The following CIT variants were observed in gnomAD, a reference collection of about 807,000 sequenced individuals.
CIT encodes citron Rho-interacting kinase.
CIT carries 79 observed loss-of-function variants against 272.7 expected under a neutral mutation model. That is an observed-to-expected ratio of 0.29 (90% CI 0.24 to 0.35). The LOEUF (loss-of-function observed/expected upper bound fraction) is 0.35, where lower values mean the gene tolerates loss of function less well. CIT is among the 10% of genes least tolerant of loss of function. The pLI is 1.00. For synonymous variants in CIT, 948 were observed against 995.6 expected (o/e 0.95, Z 0.90); for missense variants, 1,909 against 2,618.3 (o/e 0.73, Z 5.91).
chr12:119,806,122 A>C (rs970959271), intron 9 of CIT, among the ~76,000 whole-genome samples: 3 of 124,920 alleles, frequency 2.4e-5, no homozygotes, highest in Non-Finnish European at 4.8e-5. Flanking sequence ...GGGGAACAAG[A>C]GCGAAACACC....
At chr12:119,739,527 G>A (rs1958955755) in intron 24 of CIT, among the ~76,000 whole-genome samples, 1 of 152,102 alleles carries the variant, frequency 6.6e-6, no homozygotes, top group Non-Finnish European at 1.5e-5. Context: ...TCTTTAAAGC[G>A]GTCTTGAACT....
intron 9 of CIT, among the ~76,000 whole-genome samples, chr12:119,818,718 G>A (rs925132719): frequency 2.6e-5 from 4 of 152,122 alleles, no homozygotes; most frequent in Admixed American, 2.0e-4. Context: ...CATGTCAGAC[G>A]CAACAGACCA....
Position 119,728,574 on chromosome 12 carries a change from A to G in CIT, c.3519T>C (p.Leu1173=). The G allele has an allele frequency of 6.2e-7, 1 of 1,613,630 alleles. No homozygotes were observed. Among genetic ancestry groups the G allele is most frequent in the Non-Finnish European group, 8.5e-7 (1 of 1,179,682 alleles). Residue 1173 remains leucine, a synonymous_variant, in exon 28 of 48, where the codon CTT becomes CTC. Transcript: ENST00000392521. This position sits in a 1 kb window ranked among gnomAD's most constrained non-coding sequence, Gnocchi z 4.3. Reference sequence around the variant, plus strand: ...GCTGTAAGCTTCGGGCATTCATTTCAAGCATAGCATGCTTCTTCTCCAGGT... The same window carrying G: ...GCTGTAAGCTTCGGGCATTCATTTCGAGCATAGCATGCTTCTTCTCCAGGT... ...LNDLEKKHAM[L]EMNARSLQQK...
intron 41 of CIT, 142 bp from the exon 42 acceptor site, chr12:119,702,100 C>T (rs1956619143): frequency 4.7e-6 from 3 of 635,742 alleles, no homozygotes; most frequent in Admixed American, 5.8e-5. Flanking sequence ...TCATAGAGAG[C>T]CATTCATCTT....
In CIT at chr12:119,686,153, TAA is replaced by T. The variant is rs1170286395; in HGVS notation, c.*2077_*2078del. ...TTTCCTCTTTTTTTTTTTACGAATA[TAA>T]AGTTTCTTGTAAATATGTACAGTCT... On this transcript the variant is annotated 3_prime_UTR_variant, in exon 48 of 48. Transcript: ENST00000392521. 1 of 152,218 alleles carries T rather than the reference TAA, an allele frequency of 6.6e-6. No individual in the cohort carries two copies. The highest frequency in any genetic ancestry group is 1.5e-5 in the Non-Finnish European group (1 of 67,990). The allele number at this position is 152,218 out of a possible 1,614,324, so 9.4% of individuals were successfully genotyped here. A position where few individuals can be genotyped will look rare whatever the true frequency, so the allele number is the denominator to read the frequency against.
At chr12:119,756,038 C>T (rs1157626466) in intron 22 of CIT, among the ~76,000 whole-genome samples, 1 of 152,156 alleles carries the variant, frequency 6.6e-6, no homozygotes, top group East Asian at 1.9e-4. Flanking sequence ...TGACACGCTC[C>T]CCACAGGACC....
In CIT at chr12:119,844,062, C is replaced by T. The variant is rs547106912; in HGVS notation, c.516+6112G>A. Among the ~76,000 whole-genome samples, 20 of 148,296 alleles carry T rather than the reference C, an allele frequency of 1.3e-4. No individual in the cohort carries two copies. In the East Asian group the frequency reaches 1.8e-3, roughly 13 times the overall value. ...TTTGAGACAGATTCTTGCTTTGTCG[C>T]CCAGGCTGGAGTGCAGTGGCATGAC... On this transcript the variant is annotated intron_variant, in intron 5 of 47. Coordinates refer to ENST00000392521, the MANE Select transcript of CIT (RefSeq NM_001206999.2).
At chr12:119,780,909 A>C (rs1344624597) in intron 13 of CIT, among the ~76,000 whole-genome samples, 2 of 152,228 alleles carry the variant, frequency 1.3e-5, no homozygotes, top group Non-Finnish European at 2.9e-5. Context: ...CTGTGGTATG[A>C]ATCATAAAAG....
intron 9 of CIT, among the ~76,000 whole-genome samples, chr12:119,821,523 G>A (rs1490168713): frequency 5.3e-5 from 8 of 152,098 alleles, no homozygotes; most frequent in African/African-American, 1.4e-4. Flanking sequence ...GAGGGTGGGG[G>A]ACTACTTTAA....
intron 9 of CIT, among the ~76,000 whole-genome samples, chr12:119,814,788 G>A (rs1966987033): frequency 6.6e-6 from 1 of 152,126 alleles, no homozygotes; most frequent in Non-Finnish European, 1.5e-5. Flanking sequence ...TGTAATCCCA[G>A]CACTTTGGGA....
At chr12:119,799,121 C>G (rs1242909503) in intron 10 of CIT, among the ~76,000 whole-genome samples, 3 of 152,126 alleles carry the variant, frequency 2.0e-5, no homozygotes, top group Non-Finnish European at 2.9e-5. Context: ...GCAGAAAAGT[C>G]CCAGGGCCTG....
chr12:119,871,098 G>A (rs1950662762), intron 2 of CIT, among the ~76,000 whole-genome samples: 2 of 144,596 alleles, frequency 1.4e-5, no homozygotes, highest in South Asian at 2.3e-4. Flanking sequence ...CAGCCTGGGC[G>A]ACAGGGCGAC....
intron 4 of CIT, among the ~76,000 whole-genome samples, chr12:119,854,575 A>G (rs1250881096): frequency 6.6e-6 from 1 of 152,020 alleles, no homozygotes; most frequent in East Asian, 1.9e-4. Context: ...CCCAGGAGGC[A>G]GAGGTTGCAG....
intron 13 of CIT, among the ~76,000 whole-genome samples, chr12:119,779,363 A>C (rs1225079165): frequency 6.6e-6 from 1 of 152,210 alleles, no homozygotes; most frequent in African/African-American, 2.4e-5. Context: ...GCCTTCCTCC[A>C]TAAAAATTAA....
chr12:119,818,291 C>G (rs974121780), intron 9 of CIT, among the ~76,000 whole-genome samples: 5 of 151,902 alleles, frequency 3.3e-5, no homozygotes, highest in Non-Finnish European at 7.4e-5. Context: ...TATTGTTGAC[C>G]ATACTAAAGG....
At chr12:119,724,158 T>C (rs1957961049) in intron 28 of CIT, among the ~76,000 whole-genome samples, 2 of 151,790 alleles carry the variant, frequency 1.3e-5, no homozygotes, top group Admixed American at 1.3e-4. Context: ...CAATTTGGAG[T>C]GGGAGAGCTA....
intron 2 of CIT, among the ~76,000 whole-genome samples, chr12:119,873,704 A>G (rs1950752931): frequency 6.6e-6 from 1 of 152,080 alleles, no homozygotes; most frequent in African/African-American, 2.4e-5. Context: ...GCTGATGGGG[A>G]TGGTCCCACA....
At chr12:119,850,788 A>G (rs1970175468) in intron 4 of CIT, among the ~76,000 whole-genome samples, 1 of 152,172 alleles carries the variant, frequency 6.6e-6, no homozygotes, top group Non-Finnish European at 1.5e-5. Context: ...TGCCGTCCCA[A>G]GCAACGTGAG....
chr12:119,773,652 C>T (rs887239684), intron 16 of CIT, among the ~76,000 whole-genome samples: 1 of 152,160 alleles, frequency 6.6e-6, no homozygotes, highest in Non-Finnish European at 1.5e-5. Context: ...AGGCTGGTCT[C>T]GAACTCCTGA....
Sources: allele counts gnomAD v4.1 joint callset (sites outside exome capture counted in the v4.1 genomes callset), GRCh38; gene constraint gnomAD v4.1.1; non-coding constraint Gnocchi (gnomAD v3.1); transcripts MANE v1.5; gene names NCBI Gene and HGNC (gene_info 2026-07-23, HGNC 2026-07-21).